SPEF2: variants seen among roughly 807,000 people sequenced by gnomAD.
SPEF2 encodes the protein sperm flagellar and cilia associated 2.
In SPEF2, 187 loss-of-function variants were observed where a neutral mutation model predicts 224.6. That is an observed-to-expected ratio of 0.83 (90% CI 0.74 to 0.94). SPEF2 has a LOEUF of 0.94. SPEF2 is among the 40% of genes least tolerant of loss of function. The probability of loss-of-function intolerance (pLI) is 0.00; values close to 1 mark genes in which losing one functional copy is unlikely to be tolerated. For synonymous variants in SPEF2, 715 were observed against 707.3 expected (o/e 1.01, Z -0.17); for missense variants, 2,170 against 2,135.6 (o/e 1.02, Z -0.32).
intron 2 of SPEF2, among the ~76,000 whole-genome samples, chr5:35,632,393 CCAT>C (rs1359678599): frequency 2.0e-5 from 3 of 152,244 alleles, no homozygotes; most frequent in Admixed American, 1.3e-4. Flanking sequence ...CCGCATAAAA[CCAT>C]CATATCTCAT....
At chr5:35,629,228 A>T (rs552376015) in intron 2 of SPEF2, among the ~76,000 whole-genome samples, 14 of 122,306 alleles carry the variant, frequency 1.1e-4, no homozygotes, top group African/African-American at 4.3e-4. Context: ...ATCTCGGCTC[A>T]CTGCAAGCTC....
chr5:35,774,011 G>C lies in SPEF2; in HGVS notation c.4068G>C (p.Leu1356Phe), dbSNP rs779827573. The C allele has an allele frequency of 6.2e-7, 1 of 1,611,818 alleles. No homozygotes were observed. The highest frequency in any genetic ancestry group is 8.5e-7 in the Non-Finnish European group (1 of 1,179,120). Residue 1356 changes from leucine to phenylalanine, a missense_variant, in exon 28 of 37, where the codon TTG (leucine) becomes TTC (phenylalanine). By Grantham distance (22) the Leu-to-Phe change is conservative (BLOSUM62 0). Coordinates refer to ENST00000356031, the MANE Select transcript of SPEF2 (RefSeq NM_024867.4). The part of the protein sequence containing the change: ...VKIKEEHLAA[L>F]QFEEIATQFR... ...TAAAAGAAGAACACCTTGCTGCCTT[G>C]CAATTTGAAGGTAGCGATTGAAACG...
chr5:35,642,816 G>A (rs1746788268), intron 3 of SPEF2, among the ~76,000 whole-genome samples: 1 of 152,178 alleles, frequency 6.6e-6, no homozygotes. Flanking sequence ...CTATCTCCAT[G>A]TTTATATTTG....
At chr5:35,760,710 A>G (rs1387456801) in intron 25 of SPEF2, among the ~76,000 whole-genome samples, 1 of 152,214 alleles carries the variant, frequency 6.6e-6, no homozygotes, top group Non-Finnish European at 1.5e-5. Flanking sequence ...GGCAAAGGAA[A>G]GGCAAGATCC....
intron 8 of SPEF2, among the ~76,000 whole-genome samples, chr5:35,660,728 C>T (rs1749580433): frequency 6.6e-6 from 1 of 152,164 alleles, no homozygotes; most frequent in Non-Finnish European, 1.5e-5. Context: ...ATGTGTTTAT[C>T]TTTCTAAGTG....
In SPEF2 at chr5:35,641,362, G is replaced by A. The variant is rs1229007981; in HGVS notation, c.162-69G>A. ...TCAAAATATTGGATAATGATAATAT[G>A]TCTGATATTTGTTGTTTGTCTTTAA... On this transcript the variant is annotated intron_variant, in intron 2 of 36. Coordinates refer to ENST00000356031, the MANE Select transcript of SPEF2 (RefSeq NM_024867.4). The A allele has an allele frequency of 2.0e-6, 3 of 1,475,082 alleles. No individual in the cohort carries two copies. The African/African-American group carries it at 4.2e-5, about 21-fold the overall frequency. The allele number at this position is 1,475,082 out of a possible 1,614,324, so 91.4% of individuals were successfully genotyped here. A position where few individuals can be genotyped will look rare whatever the true frequency, so the allele number is the denominator to read the frequency against.
intron 20 of SPEF2, among the ~76,000 whole-genome samples, chr5:35,719,756 G>C (rs1743277541): frequency 6.6e-6 from 1 of 152,030 alleles, no homozygotes; most frequent in Non-Finnish European, 1.5e-5. Flanking sequence ...CGAGTAGCTG[G>C]GATTATAAGC....
chr5:35,758,196 T>G (rs1186758358), intron 24 of SPEF2, among the ~76,000 whole-genome samples: 1 of 151,410 alleles, frequency 6.6e-6, no homozygotes, highest in African/African-American at 2.4e-5. Flanking sequence ...AGATAAGGCT[T>G]TGAACATTAG....
chr5:35,648,948 A>G (rs1747797707), intron 5 of SPEF2, among the ~76,000 whole-genome samples: 1 of 151,138 alleles, frequency 6.6e-6, no homozygotes, highest in African/African-American at 2.4e-5. Context: ...CGGGAGGTGG[A>G]GGATGCCTTG....
At chr5:35,699,477 G>A (rs528576104) in intron 15 of SPEF2, 1 of 152,274 alleles carries the variant, frequency 6.6e-6, no homozygotes, top group South Asian at 2.1e-4. Context: ...ATCTAACTGA[G>A]ATTTTAAAAG....
At chr5:35,702,417 G>A (rs753068886) in intron 16 of SPEF2, 35 of 425,066 alleles carry the variant, frequency 8.2e-5, no homozygotes, top group Non-Finnish European at 1.4e-4. Context: ...TGGAATGGAA[G>A]AGGAGGTGAC....
At chr5:35,739,790 C>T (rs1293027684) in intron 21 of SPEF2, 129 bp from the exon 22 acceptor site, 14 of 997,228 alleles carry the variant, frequency 1.4e-5, no homozygotes, top group East Asian at 5.1e-5. Context: ...AGCAAGAAGT[C>T]TCACAGGGAA....
intron 19 of SPEF2, chr5:35,710,459 A>G: frequency 1.8e-6 from 1 of 548,662 alleles, no homozygotes; most frequent in Non-Finnish European, 2.3e-6. Flanking sequence ...TGGGAGGCTG[A>G]GGCAGGAGAA....
At chr5:35,718,266 T>C (rs780612278) in intron 20 of SPEF2, among the ~76,000 whole-genome samples, 2 of 150,716 alleles carry the variant, frequency 1.3e-5, no homozygotes, top group East Asian at 1.9e-4. Context: ...ATAAACTCTT[T>C]CAAGTTTGGA....
intron 1 of SPEF2, among the ~76,000 whole-genome samples, chr5:35,620,150 A>AG (rs1359721250): frequency 2.0e-5 from 3 of 152,222 alleles, no homozygotes; most frequent in African/African-American, 7.2e-5. Flanking sequence ...TTGTAAGCCA[A>AG]CAAGCTAGGA....
intron 34 of SPEF2, among the ~76,000 whole-genome samples, chr5:35,800,805 A>T (rs529011944): frequency 6.6e-6 from 1 of 152,142 alleles, no homozygotes; most frequent in Admixed American, 6.5e-5. Context: ...GATCCATCTG[A>T]TGGGATGCTT....
chr5:35,806,689 C>T lies in SPEF2; in HGVS notation c.5011-18C>T. 6.3e-7 allele frequency: 1 copy of T among 1,596,674 alleles called. No individual in the cohort carries two copies. Among genetic ancestry groups the T allele is most frequent in the East Asian group, 2.2e-5 (1 of 44,782 alleles). ...AAACTTCAGTTTAACTTCATGTTCT[C>T]TTCATTTAACTTTGCAGACCTCCTC... On this transcript the variant is annotated intron_variant, in intron 34 of 36. Coordinates refer to ENST00000356031, the MANE Select transcript of SPEF2 (RefSeq NM_024867.4).
chr5:35,710,743 T>A, intron 19 of SPEF2: 1 of 897,180 alleles, frequency 1.1e-6, no homozygotes, highest in South Asian at 5.3e-5. Context: ...CTAGTGTTTC[T>A]GATCAGACCA....
intron 36 of SPEF2, among the ~76,000 whole-genome samples, chr5:35,813,960 T>G (rs143388613): frequency 6.6e-6 from 1 of 152,362 alleles, no homozygotes; most frequent in Admixed American, 6.5e-5. Context: ...GTAAGATAGC[T>G]GTATAGCAAA....
Sources: allele counts gnomAD v4.1 joint callset (sites outside exome capture counted in the v4.1 genomes callset), GRCh38; gene constraint gnomAD v4.1.1; transcripts MANE v1.5; gene names NCBI Gene and HGNC (gene_info 2026-07-23, HGNC 2026-07-21).